The following TENM3 variants were observed in gnomAD, a reference collection of about 807,000 sequenced individuals.
TENM3 encodes teneurin transmembrane protein 3.
A neutral mutation model predicts 255.1 loss-of-function variants in TENM3; 63 were observed. The observed-to-expected ratio is 0.25, with a 90% CI of 0.20 to 0.30. The LOEUF (loss-of-function observed/expected upper bound fraction) is 0.30. Among genes scored for constraint, TENM3 ranks in the 10% least tolerant of loss-of-function variants. TENM3 has a pLI of 1.00. For missense variants in TENM3, 2,929 were observed against 3,461.1 expected (o/e 0.85, Z 3.86); for synonymous variants, 1,306 against 1,322.3 (o/e 0.99, Z 0.27).
intron 3 of TENM3, among the ~76,000 whole-genome samples, chr4:182,470,582 T>C (rs1580665272): frequency 6.6e-6 from 1 of 152,036 alleles, no homozygotes; most frequent in African/African-American, 2.4e-5. Context: ...GAGAAAAGGG[T>C]CATATCCTTG....
At chr4:181,982,991 T>C in the TENM3 span, among the ~76,000 whole-genome samples, 27 of 152,290 alleles carry the variant, frequency 1.8e-4, no homozygotes, top group South Asian at 5.6e-3. Context: ...TAACAGTCTT[T>C]ATTTCCTCCC....
At chr4:181,894,931 A>G in the TENM3 span, among the ~76,000 whole-genome samples, 1 of 152,086 alleles carries the variant, frequency 6.6e-6, no homozygotes, top group Admixed American at 6.6e-5. Flanking sequence ...AAATATTAGA[A>G]AATTCATTAA....
the TENM3 span, among the ~76,000 whole-genome samples, chr4:181,979,563 G>A: frequency 0.012 from 1,856 of 152,238 alleles, 33 homozygotes; most frequent in African/African-American, 0.042. Flanking sequence ...TCTTGTGCAC[G>A]GGTGCTCTGC....
At chr4:181,879,288 G>A in the TENM3 span, among the ~76,000 whole-genome samples, 1 of 152,004 alleles carries the variant, frequency 6.6e-6, no homozygotes, top group Non-Finnish European at 1.5e-5. Flanking sequence ...GTTGGGGGAG[G>A]GAGAGAAAGT....
At chr4:181,717,016 C>G in the TENM3 span, among the ~76,000 whole-genome samples, 1 of 152,146 alleles carries the variant, frequency 6.6e-6, no homozygotes, top group East Asian at 1.9e-4. Flanking sequence ...TCTTTTAGCC[C>G]CTCCTGATAC....
At chr4:181,466,175 T>C in the TENM3 span, among the ~76,000 whole-genome samples, 2 of 151,252 alleles carry the variant, frequency 1.3e-5, no homozygotes, top group South Asian at 4.2e-4. Context: ...TAGAGTGTAA[T>C]GGTGCGATCT....
the TENM3 span, among the ~76,000 whole-genome samples, chr4:181,833,297 C>T: frequency 1.5e-4 from 23 of 152,196 alleles, no homozygotes; most frequent in South Asian, 8.3e-4. Flanking sequence ...CAAATCTCTA[C>T]CCTCCTCATC....
At chr4:182,565,951 AC>A (rs1342293047) in intron 3 of TENM3, among the ~76,000 whole-genome samples, 1 of 152,218 alleles carries the variant, frequency 6.6e-6, no homozygotes. Context: ...ACCTAGATCC[AC>A]CACTCTGATC....
At chr4:182,009,347 T>C in the TENM3 span, among the ~76,000 whole-genome samples, 1 of 152,254 alleles carries the variant, frequency 6.6e-6, no homozygotes, top group South Asian at 2.1e-4. Flanking sequence ...TCTCCTGGTA[T>C]GCAGAGACTG....
chr4:182,430,719 A>C (rs1771561645), intron 3 of TENM3, among the ~76,000 whole-genome samples: 1 of 152,026 alleles, frequency 6.6e-6, no homozygotes, highest in South Asian at 2.1e-4. Flanking sequence ...GTGTTTTTGA[A>C]AGATAACTTT....
At chr4:182,140,986 T>TCCCCCCCCACCCC (rs199951374), upstream of TENM3, among the ~76,000 whole-genome samples, 1 of 115,654 alleles carries the variant, frequency 8.6e-6, no homozygotes, top group African/African-American at 3.2e-5. Flanking sequence ...GCCCATTATA[T>TCCCCCCCCACCCC]CCCTCCCCCC....
rs1447917915 is a variant in TENM3, at chr4:182,559,877, A to G, written c.512-41047A>G. On this transcript the variant is annotated intron_variant, in intron 3 of 27. Coordinates refer to ENST00000511685, the MANE Select transcript of TENM3 (RefSeq NM_001080477.4). ...GCATAACAGAGTGACTGTAGTCAAT[A>G]ATAATTTAATTGTACATTTTAAAAT... Among the ~76,000 whole-genome samples the G allele has an allele frequency of 2.0e-5, 3 of 152,098 alleles. No individual in the cohort carries two copies. In the East Asian group the frequency reaches 5.8e-4, roughly 29 times the overall value.
the TENM3 span, among the ~76,000 whole-genome samples, chr4:182,087,538 T>C: frequency 6.6e-6 from 1 of 152,168 alleles, no homozygotes; most frequent in Non-Finnish European, 1.5e-5. Context: ...TTTGCCAACT[T>C]GCACAGGTTG....
At chr4:181,722,779 C>A in the TENM3 span, among the ~76,000 whole-genome samples, 3 of 152,064 alleles carry the variant, frequency 2.0e-5, no homozygotes, top group East Asian at 5.8e-4. Context: ...GATTAATTAT[C>A]TTCTCTGCTC....
intron 4 of TENM3, among the ~76,000 whole-genome samples, chr4:182,610,572 A>G (rs1445214340): frequency 6.6e-6 from 1 of 152,024 alleles, no homozygotes; most frequent in East Asian, 1.9e-4. Flanking sequence ...AGCCCTAGCT[A>G]TTCGGGAAGC....
the TENM3 span, among the ~76,000 whole-genome samples, chr4:181,537,539 C>T: frequency 6.6e-6 from 1 of 152,102 alleles, no homozygotes; most frequent in Non-Finnish European, 1.5e-5. Context: ...TATAGTGTAT[C>T]TAGAGAAAAG....
At chr4:182,118,492 G>A in the TENM3 span, among the ~76,000 whole-genome samples, 1 of 151,934 alleles carries the variant, frequency 6.6e-6, no homozygotes, top group African/African-American at 2.4e-5. Flanking sequence ...TGTTGGCCAA[G>A]TTGATCTTGA....
chr4:182,764,486 G>A (rs1010565524), intron 22 of TENM3, among the ~76,000 whole-genome samples: 10 of 152,290 alleles, frequency 6.6e-5, no homozygotes, highest in East Asian at 5.8e-4. Context: ...ATCTAAATCC[G>A]ATTGAGAACT....
At chr4:181,556,214 T>A in the TENM3 span, among the ~76,000 whole-genome samples, 5 of 152,304 alleles carry the variant, frequency 3.3e-5, no homozygotes, top group East Asian at 9.7e-4. Context: ...CTTAAGATTA[T>A]AGAACTTCCA....
Sources: allele counts gnomAD v4.1 joint callset (sites outside exome capture counted in the v4.1 genomes callset), GRCh38; gene constraint gnomAD v4.1.1; transcripts MANE v1.5; gene names NCBI Gene and HGNC (gene_info 2026-07-23, HGNC 2026-07-21).